NLRP5: variants seen among roughly 807,000 people sequenced by gnomAD.
NLRP5 encodes the protein NLR family pyrin domain containing 5, also known as NACHT, LRR and PYD domains-containing protein 5.
Under a neutral mutation model 113.1 loss-of-function variants are expected in NLRP5, and 93 were observed. The ratio of observed to expected loss-of-function variants is 0.82; its 90% confidence interval spans 0.70 to 0.98. The LOEUF (loss-of-function observed/expected upper bound fraction) is 0.98, where lower values mean the gene tolerates loss of function less well. Ranked by LOEUF, NLRP5 falls within the 50% of genes least tolerant of loss-of-function variation. The probability of loss-of-function intolerance (pLI) is 0.00; values close to 1 mark genes in which losing one functional copy is unlikely to be tolerated. For synonymous variants in NLRP5, 751 were observed against 600.7 expected, an observed-to-expected ratio of 1.25 and a Z score of -3.66; for missense variants, 1,808 against 1,514.3, an observed-to-expected ratio of 1.19 and a Z score of -3.22.
intron 14 of NLRP5, among the ~76,000 whole-genome samples, chr19:56,059,616 C>T (rs1043914206): frequency 4.6e-5 from 7 of 152,186 alleles, no homozygotes; most frequent in Non-Finnish European, 1.0e-4. Flanking sequence ...CTCACTGCAA[C>T]CTCCGTCTCG....
chr19:56,057,850 ACT>A (rs772064637), intron 13 of NLRP5, among the ~76,000 whole-genome samples: 8 of 151,946 alleles, frequency 5.3e-5, no homozygotes, highest in Non-Finnish European at 7.4e-5. Flanking sequence ...ACATGATGAA[ACT>A]CTGTTTCTAC....
chr19:56,029,952 C>A (rs10853883), intron 7 of NLRP5, among the ~76,000 whole-genome samples: 45,150 of 150,536 alleles, frequency 0.3, 7,507 homozygotes, highest in Non-Finnish European at 0.37. Context: ...CTACTCAGGA[C>A]GTTGAGGCAG....
intron 13 of NLRP5, among the ~76,000 whole-genome samples, chr19:56,055,526 T>C (rs1296776664): frequency 7.4e-6 from 1 of 135,364 alleles, no homozygotes; most frequent in Non-Finnish European, 1.6e-5. Flanking sequence ...GTTCTATTTT[T>C]CTTTCTCTGT....
intron 10 of NLRP5, among the ~76,000 whole-genome samples, 176 bp from the exon 11 acceptor site, chr19:56,040,746 G>A (rs1026075162): frequency 6.6e-6 from 1 of 152,178 alleles, no homozygotes; most frequent in African/African-American, 2.4e-5. Context: ...TTTTGGGGCT[G>A]ATGCACTGGA....
intron 11 of NLRP5, among the ~76,000 whole-genome samples, chr19:56,049,351 T>C (rs905535485): frequency 3.3e-5 from 5 of 151,988 alleles, no homozygotes. Context: ...AACTAATTTT[T>C]TGTATTTTTA....
chr19:56,056,355 C>A (rs1363607503), intron 13 of NLRP5, among the ~76,000 whole-genome samples: 1 of 152,082 alleles, frequency 6.6e-6, no homozygotes, highest in Admixed American at 6.5e-5. Flanking sequence ...GTCAAGAGTT[C>A]GAGACCAGTG....
At chr19:56,022,231 C>CT (rs753859349) in intron 6 of NLRP5, among the ~76,000 whole-genome samples, 5 of 152,126 alleles carry the variant, frequency 3.3e-5, no homozygotes, top group Admixed American at 6.6e-5. Flanking sequence ...CACTCCACCC[C>CT]TTTTTTGAAA....
chr19:56,030,898 G>C (rs1983082567), intron 7 of NLRP5, among the ~76,000 whole-genome samples: 1 of 151,664 alleles, frequency 6.6e-6, no homozygotes, highest in Admixed American at 6.6e-5. Flanking sequence ...ATTTTTAGTA[G>C]AGATGGGGTT....
intron 6 of NLRP5, among the ~76,000 whole-genome samples, chr19:56,024,385 A>ATT (rs1027108312): frequency 7.7e-6 from 1 of 130,102 alleles, no homozygotes; most frequent in South Asian, 2.5e-4. Flanking sequence ...GTGTATATAT[A>ATT]ACATATATAC....
chr19:56,042,940 A>G (rs1251182988), intron 11 of NLRP5, among the ~76,000 whole-genome samples: 1 of 151,490 alleles, frequency 6.6e-6, no homozygotes, highest in Non-Finnish European at 1.5e-5. Flanking sequence ...ATTCCTTTTT[A>G]TGGCTGCATA....
At chr19:56,015,685 G>T in intron 3 of NLRP5, 57 bp from the exon 4 acceptor site, 1 of 1,411,322 alleles carries the variant, frequency 7.1e-7, no homozygotes, top group Non-Finnish European at 9.6e-7. Flanking sequence ...CAACATCTCT[G>T]ATTTGAATAA....
At chr19:56,030,939 C>A (rs1983085282) in intron 7 of NLRP5, among the ~76,000 whole-genome samples, 1 of 151,724 alleles carries the variant, frequency 6.6e-6, no homozygotes, top group African/African-American at 2.4e-5. Context: ...GTCTTGAACT[C>A]CTGACCTTGT....
At chr19:56,045,439 G>A (rs996681994) in intron 11 of NLRP5, among the ~76,000 whole-genome samples, 1 of 152,006 alleles carries the variant, frequency 6.6e-6, no homozygotes, top group African/African-American at 2.4e-5. Context: ...TATACTTTAA[G>A]TTTTAGGGTA....
intron 14 of NLRP5, among the ~76,000 whole-genome samples, chr19:56,059,563 C>A (rs1475873409): frequency 6.6e-6 from 1 of 152,174 alleles, no homozygotes; most frequent in African/African-American, 2.4e-5. Context: ...GATGGAGTCT[C>A]ACTCTGTTGC....
chr19:55,987,926 T>C, the NLRP5 span: 1 of 1,587,892 alleles, frequency 6.3e-7, no homozygotes, highest in Non-Finnish European at 8.6e-7. Context: ...CGTCCAGTCA[T>C]CTTTCTCTGG....
intron 1 of NLRP5, among the ~76,000 whole-genome samples, chr19:56,000,745 C>T (rs751924977): frequency 2.6e-5 from 4 of 151,768 alleles, no homozygotes; most frequent in Non-Finnish European, 4.4e-5. Flanking sequence ...TGGTGGCTCA[C>T]GCCTATAATC....
At chr19:55,994,786 G>T (rs962474202), upstream of NLRP5, among the ~76,000 whole-genome samples, 1 of 151,976 alleles carries the variant, frequency 6.6e-6, no homozygotes, top group Admixed American at 6.6e-5. Flanking sequence ...TGCTTTTGTT[G>T]CCTGTCCTTT....
At chr19:55,988,870 C>T in the NLRP5 span, among the ~76,000 whole-genome samples, 14,399 of 152,132 alleles carry the variant, frequency 0.095, 818 homozygotes, top group African/African-American at 0.15. Context: ...GTTTTGCTTT[C>T]AATTTCCATG....
chr19:56,004,990 A>G (rs908374379), intron 2 of NLRP5, among the ~76,000 whole-genome samples: 3 of 151,514 alleles, frequency 2.0e-5, no homozygotes, highest in Non-Finnish European at 4.4e-5. Context: ...GCTACTCAGG[A>G]GACTGAGGCA....
Sources: gnomAD v4.1 joint callset for allele counts (sites outside exome capture counted in the v4.1 genomes callset) on GRCh38, gnomAD v4.1.1 for gene constraint, MANE v1.5 for transcripts, NCBI Gene and HGNC (gene_info 2026-07-23, HGNC 2026-07-21) for gene names.